SCARB1: variants seen among roughly 807,000 people sequenced by gnomAD.
SCARB1 encodes the protein scavenger receptor class B member 1.
A neutral mutation model predicts 57.2 loss-of-function variants in SCARB1; 30 were observed. The observed-to-expected ratio is 0.52, with a 90% CI of 0.39 to 0.71. SCARB1 has a LOEUF of 0.71. SCARB1 is among the 30% of genes least tolerant of loss of function. The pLI, the probability that SCARB1 is intolerant of heterozygous loss-of-function variation, is 0.00. For synonymous variants in SCARB1, 249 were observed against 268.3 expected (o/e 0.93, Z 0.70); for missense variants, 543 against 671.2 (o/e 0.81, Z 2.11).
intron 1 of SCARB1, among the ~76,000 whole-genome samples, chr12:124,832,846 T>C (rs1339385801): frequency 6.6e-6 from 1 of 152,112 alleles, no homozygotes; most frequent in Admixed American, 6.6e-5. Flanking sequence ...TTCCCACTGC[T>C]GCTGTAAGAA....
intron 6 of SCARB1, 111 bp from the exon 7 acceptor site, chr12:124,808,038 C>G: frequency 9.2e-7 from 1 of 1,089,506 alleles, no homozygotes; most frequent in African/African-American, 1.5e-5. Flanking sequence ...GCTACCACCT[C>G]CCGGGTCCAA....
intron 1 of SCARB1, among the ~76,000 whole-genome samples, chr12:124,842,084 A>C (rs1951931676): frequency 6.6e-6 from 1 of 152,212 alleles, no homozygotes; most frequent in Non-Finnish European, 1.5e-5. Context: ...CAGGTGGTTC[A>C]TAAACAGCTG....
chr12:124,787,270 G>T lies in SCARB1; in HGVS notation c.1254+136C>A, dbSNP rs571170789. 8.1e-4 allele frequency: 600 copies of T among 741,770 alleles called. 4 individuals are homozygous for T. In the African/African-American group the frequency reaches 9.4e-3, roughly 12 times the overall value. 45.9% of individuals were successfully genotyped at this position (741,770 alleles called of 1,614,324 possible). A position where few individuals can be genotyped will look rare whatever the true frequency, so the allele number is the denominator to read the frequency against. ...TTGGACAGGGTGAAGTTTCTGATAC[G>T]CTGGTCCATGTCACAGTCCGGTTAC... On this transcript the variant is annotated intron_variant, in intron 10 of 12. Coordinates refer to ENST00000261693, the MANE Select transcript of SCARB1 (RefSeq NM_005505.5).
At chr12:124,829,729 T>A (rs1229434836) in intron 1 of SCARB1, among the ~76,000 whole-genome samples, 1 of 152,220 alleles carries the variant, frequency 6.6e-6, no homozygotes, top group African/African-American at 2.4e-5. Context: ...AGACCTTCCC[T>A]GAGCAATTTT....
intron 7 of SCARB1, among the ~76,000 whole-genome samples, chr12:124,805,345 G>A (rs1950283961): frequency 6.6e-6 from 1 of 152,220 alleles, no homozygotes; most frequent in Admixed American, 6.5e-5. Flanking sequence ...GCAAGGCACT[G>A]ACCTTGGTAT....
At chr12:124,851,148 T>C (rs1487535660) in intron 1 of SCARB1, among the ~76,000 whole-genome samples, 1 of 152,228 alleles carries the variant, frequency 6.6e-6, no homozygotes, top group Non-Finnish European at 1.5e-5. Context: ...TTAATTCTCC[T>C]TCAATATCCC....
At chr12:124,836,225 A>C (rs2135762328) in intron 1 of SCARB1, among the ~76,000 whole-genome samples, 1 of 152,314 alleles carries the variant, frequency 6.6e-6, no homozygotes, top group East Asian at 1.9e-4. Flanking sequence ...CATCACACGT[A>C]TTCACTGGCA....
chr12:124,832,649 T>G (rs1375112687), intron 1 of SCARB1, among the ~76,000 whole-genome samples: 2 of 152,200 alleles, frequency 1.3e-5, no homozygotes, highest in African/African-American at 4.8e-5. Flanking sequence ...GGAAAAAATG[T>G]GCACCCCATA....
At chr12:124,790,820 C>T (rs1949699340) in intron 9 of SCARB1, among the ~76,000 whole-genome samples, 2 of 152,242 alleles carry the variant, frequency 1.3e-5, no homozygotes, top group Non-Finnish European at 2.9e-5. Flanking sequence ...CAGGCACGTG[C>T]TCACGTGGCA....
intron 12 of SCARB1, among the ~76,000 whole-genome samples, chr12:124,780,196 G>A (rs1228196580): frequency 6.6e-6 from 1 of 152,084 alleles, no homozygotes; most frequent in African/African-American, 2.4e-5. Flanking sequence ...AGCTAAGAAA[G>A]GTCCAGGAAC....
At chr12:124,821,347 G>A (rs1950950543) in intron 1 of SCARB1, 1 of 984,144 alleles carries the variant, frequency 1.0e-6, no homozygotes. Flanking sequence ...GAGGCTGCTG[G>A]GCTGGAGATA....
intron 9 of SCARB1, among the ~76,000 whole-genome samples, chr12:124,788,011 T>C (rs1250822604): frequency 6.6e-6 from 1 of 152,198 alleles, no homozygotes; most frequent in Non-Finnish European, 1.5e-5. Context: ...ATTAACTTTA[T>C]CATAGATGTG....
At chr12:124,801,879 G>A (rs185576591) in intron 7 of SCARB1, among the ~76,000 whole-genome samples, 2 of 150,618 alleles carry the variant, frequency 1.3e-5, no homozygotes, top group Admixed American at 6.6e-5. Context: ...GGCCGGGCGC[G>A]GTGGCTCACG....
intron 1 of SCARB1, among the ~76,000 whole-genome samples, chr12:124,849,640 C>T (rs978467881): frequency 2.0e-5 from 3 of 152,242 alleles, no homozygotes; most frequent in African/African-American, 2.4e-5. Context: ...TAACTATCTC[C>T]GTGGCCTTGA....
intron 1 of SCARB1, among the ~76,000 whole-genome samples, chr12:124,838,827 G>C (rs1030503315): frequency 2.7e-5 from 4 of 146,156 alleles, no homozygotes; most frequent in Admixed American, 7.1e-5. Context: ...CCAGGCTGGA[G>C]TGCAGTGGTG....
chr12:124,851,272 A>C (rs1283811334), intron 1 of SCARB1, among the ~76,000 whole-genome samples: 1 of 152,136 alleles, frequency 6.6e-6, no homozygotes, highest in Non-Finnish European at 1.5e-5. Context: ...CTGGCAAGTG[A>C]GACTGGGGCG....
intron 1 of SCARB1, among the ~76,000 whole-genome samples, chr12:124,842,671 A>G (rs528041603): frequency 6.6e-6 from 1 of 152,390 alleles, no homozygotes; most frequent in South Asian, 2.1e-4. Flanking sequence ...GGGTGTTTCC[A>G]GCACAGCAAG....
intron 1 of SCARB1, among the ~76,000 whole-genome samples, chr12:124,830,931 G>A (rs1951358250): frequency 1.3e-5 from 2 of 151,276 alleles, no homozygotes; most frequent in East Asian, 3.9e-4. Context: ...TCCTGCCTCA[G>A]CCTCCAGAAT....
intron 10 of SCARB1, 69 bp from the exon 11 acceptor site, chr12:124,786,572 C>G: frequency 6.3e-7 from 1 of 1,592,236 alleles, no homozygotes; most frequent in East Asian, 2.3e-5. Flanking sequence ...AGATGCCACC[C>G]AACACCTTCC....
Sources: allele counts gnomAD v4.1 joint callset (sites outside exome capture counted in the v4.1 genomes callset), GRCh38; gene constraint gnomAD v4.1.1; transcripts MANE v1.5; gene names NCBI Gene and HGNC (gene_info 2026-07-23, HGNC 2026-07-21).